Variants in NKTR observed in about 807,000 individuals in gnomAD.
NKTR encodes natural killer cell triggering receptor.
In NKTR, 67 loss-of-function variants were observed where a neutral mutation model predicts 156.3. The ratio of observed to expected loss-of-function variants is 0.43; its 90% CI spans 0.35 to 0.53. NKTR has a LOEUF of 0.53. Ranked by LOEUF, NKTR falls within the 20% of genes least tolerant of loss-of-function variation. The probability of loss-of-function intolerance (pLI) is 0.01; values close to 1 mark genes in which losing one functional copy is unlikely to be tolerated. For missense variants in NKTR, 1,604 were observed against 1,730.9 expected, an observed-to-expected ratio of 0.93 and a Z score of 1.30; for synonymous variants, 640 against 596.6, an observed-to-expected ratio of 1.07 and a Z score of -1.06.
chr3:42,632,946 C>T (rs1709050847), intron 9 of NKTR, 123 bp downstream of exon 9: 1 of 1,317,212 alleles, frequency 7.6e-7, no homozygotes, highest in Non-Finnish European at 9.7e-7. Context: ...ACTTTTTAAA[C>T]TTTAAATTGA....
intron 6 of NKTR, among the ~76,000 whole-genome samples, chr3:42,626,200 C>T (rs1399680200): frequency 2.0e-5 from 3 of 151,426 alleles, no homozygotes; most frequent in African/African-American, 7.3e-5. Flanking sequence ...TTGAAAACTC[C>T]ACATTATTTC....
rs1246794865 is a variant in NKTR, at chr3:42,627,446, C to T, written c.375-3100C>T. 3 of 985,000 alleles carry T rather than the reference C, an allele frequency of 3.0e-6. No homozygotes were observed. In the East Asian group the frequency reaches 3.4e-4, roughly 112 times the overall value. 61.0% of individuals were successfully genotyped at this position (985,000 alleles called of 1,614,324 possible). A position where few individuals can be genotyped will look rare whatever the true frequency, so the allele number is the denominator to read the frequency against. ...TTTCCACCAAGTTCCTGTACATCTT[C>T]TGGTGGGGGAGTGGGGTTATTAGTT... On this transcript the variant is annotated intron_variant, in intron 6 of 16. Coordinates refer to ENST00000232978, the MANE Select transcript of NKTR (RefSeq NM_005385.4).
intron 2 of NKTR, among the ~76,000 whole-genome samples, chr3:42,605,704 C>A (rs1189065551): frequency 6.6e-6 from 1 of 152,156 alleles, no homozygotes; most frequent in Non-Finnish European, 1.5e-5. Context: ...AGAAATGCAT[C>A]TCCGCTCTCA....
In NKTR at chr3:42,620,347, A is replaced by G. The variant is rs1707798813; in HGVS notation, c.286+639A>G. 4 of 1,119,152 alleles carry G rather than the reference A, an allele frequency of 3.6e-6. No homozygotes were observed. The African/African-American group carries it at 4.9e-5, about 14-fold the overall frequency. The allele number at this position is 1,119,152 out of a possible 1,614,324, so 69.3% of individuals were successfully genotyped here. ...GTTTGTATGTTTTCTTTTGTATATT[A>G]GAACTATGACTGTGTTTATTCTCAT... On this transcript the variant is annotated intron_variant, in intron 5 of 16. Coordinates refer to ENST00000232978, the MANE Select transcript of NKTR (RefSeq NM_005385.4).
At chr3:42,629,260 T>C (rs1398441899) in intron 6 of NKTR, 7 of 975,488 alleles carry the variant, frequency 7.2e-6, no homozygotes, top group Non-Finnish European at 8.5e-6. Flanking sequence ...TATAATTACA[T>C]TGGCATGAAT....
At position 42,616,468 on chromosome 3, in the gene NKTR, T is replaced by C. The variant is rs930539421; in HGVS notation, c.59-1102T>C. Among the ~76,000 whole-genome samples the C allele has an allele frequency of 3.9e-5, 6 of 152,246 alleles. 1 individual carries two copies. Among genetic ancestry groups the C allele is most frequent in the Admixed American group, 2.0e-4 (3 of 15,292 alleles). On this transcript the variant is annotated intron_variant, in intron 2 of 16. Coordinates refer to ENST00000232978, the MANE Select transcript of NKTR (RefSeq NM_005385.4). ...GTTTTCCAGAGATCATATATTAATA[T>C]GTGATGATATCACTGCCCTGACACC...
intron 2 of NKTR, among the ~76,000 whole-genome samples, chr3:42,605,580 C>T (rs1179682548): frequency 6.6e-6 from 1 of 152,178 alleles, no homozygotes; most frequent in African/African-American, 2.4e-5. Context: ...CCAAAGCTAA[C>T]AGGACAGGAA....
At chr3:42,619,909 C>A in intron 5 of NKTR, 1 of 1,434,102 alleles carries the variant, frequency 7.0e-7, no homozygotes, top group Non-Finnish European at 9.1e-7. Context: ...TTAATTAAGG[C>A]TAACTTTATG....
chr3:42,641,497 CTTGTT>C (rs1251918018), intron 13 of NKTR, among the ~76,000 whole-genome samples: 1 of 152,058 alleles, frequency 6.6e-6, no homozygotes, highest in Non-Finnish European at 1.5e-5. Context: ...TACATTTTTG[CTTGTT>C]TTATTAAGTA....
Position 42,603,360 on chromosome 3 carries a change from TAAAAAAA to T in NKTR, c.58+2315_58+2321del, listed in dbSNP as rs376932471. On this transcript the variant is annotated intron_variant, in intron 2 of 16. Transcript: ENST00000232978. ...GGTCAACAGAGCAAGATCTTGTTTC[TAAAAAAA>T]AAAAAAAAAAAAAAAAAACAGCTTA... 9.7e-5 allele frequency among the ~76,000 whole-genome samples: 9 copies of T among 92,758 alleles called. No individual in the cohort carries two copies. In the East Asian group the frequency reaches 1.4e-3, roughly 15 times the overall value. 60.9% of individuals were successfully genotyped at this position (92,758 alleles called of 152,430 possible).
chr3:42,637,487 G>C lies in NKTR; in HGVS notation c.1783G>C (p.Val595Leu). ...LRATMAQNEN[V>L]VVQPVVAENI... ...AGCAACCATGGCACAAAATGAAAAT[G>C]TAGTAGTACAACCAGTTGTAGCAGA... The change falls in exon 13 of 17, where the codon GTA becomes CTA. Residue 595 changes from valine (V) to leucine (L), a missense_variant. Around this residue, in one of 6 missense-constraint regions of NKTR, gnomAD observed 1,255 missense variants for 1,243.7 expected, o/e 1.01. Transcript: ENST00000232978. 1 of 1,613,842 alleles carries C rather than the reference G, an allele frequency of 6.2e-7. No individual in the cohort carries two copies. The highest frequency in any genetic ancestry group is 8.5e-7 in the Non-Finnish European group (1 of 1,179,938).
intron 10 of NKTR, 73 bp from the exon 11 acceptor site, chr3:42,634,537 CATA>C (rs1468978208): frequency 2.6e-6 from 2 of 761,934 alleles, no homozygotes; most frequent in Non-Finnish European, 4.3e-6. Flanking sequence ...AATAGCTTAA[CATA>C]ATGTGTTTTC....
chr3:42,642,847 C>G (rs894305051), intron 14 of NKTR, among the ~76,000 whole-genome samples: 1 of 152,166 alleles, frequency 6.6e-6, no homozygotes, highest in African/African-American at 2.4e-5. Context: ...CTCCACCTCC[C>G]CCACATGCAT....
chr3:42,632,733 G>A lies in NKTR; in HGVS notation c.683G>A (p.Arg228Lys). ...HERSRRRKHK[R>K]RPKVKRSKKR... The stretch of plus-strand genomic sequence containing the variant: ...AGAAGCAGAAGGAGGAAACATAAGA[G>A]GAGGCCAAAAGTTAAACGTTCTAAA... The change falls in exon 9 of 17, where the codon AGG (arginine) becomes AAG (lysine). Residue 228 changes from arginine to lysine, a missense_variant. Physicochemically the swap from Arg to Lys is conservative, Grantham distance 26 (BLOSUM62 2). Transcript: ENST00000232978. 1 of 1,613,446 alleles carries A rather than the reference G, an allele frequency of 6.2e-7. No homozygotes were observed. The highest frequency in any genetic ancestry group is 1.1e-5 in the South Asian group (1 of 90,780).
chr3:42,639,078 C>T lies in NKTR; in HGVS notation c.3374C>T (p.Thr1125Ile), dbSNP rs1553670842. 1.2e-6 allele frequency: 2 copies of T among 1,614,034 alleles called. No individual in the cohort carries two copies. The highest frequency in any genetic ancestry group is 1.1e-5 in the South Asian group (1 of 91,066). The change falls in exon 13 of 17, where the codon ACA becomes ATA. Residue 1125 changes from threonine to isoleucine, a missense_variant. Physicochemically the swap from Thr to Ile is moderately conservative, Grantham distance 89 (BLOSUM62 -1). Transcript: ENST00000232978. Reference protein sequence around the residue: ...VPNGVEDVLQTDDNMEICTPD... With the variant: ...VPNGVEDVLQIDDNMEICTPD... ...AATGGAGTGGAAGATGTGCTTCAAA[C>T]AGATGACAACATGGAGATCTGCACT...
intron 2 of NKTR, among the ~76,000 whole-genome samples, chr3:42,605,238 A>G (rs979761272): frequency 6.6e-6 from 1 of 152,122 alleles, no homozygotes. Context: ...ACCTTTCTGT[A>G]TAATATTTAA....
chr3:42,634,529 T>C (rs1370699059), intron 10 of NKTR, 84 bp from the exon 11 acceptor site: 5 of 685,650 alleles, frequency 7.3e-6, no homozygotes, highest in Non-Finnish European at 1.2e-5. Context: ...TTTGAATTAA[T>C]AGCTTAACAT....
chr3:42,625,139 A>G (rs988786910), intron 6 of NKTR, among the ~76,000 whole-genome samples: 1 of 152,188 alleles, frequency 6.6e-6, no homozygotes, highest in African/African-American at 2.4e-5. Flanking sequence ...GGAAATAGTC[A>G]TAATTGCCTA....
At chr3:42,642,698 T>C in intron 14 of NKTR, 102 bp downstream of exon 14, 1 of 800,314 alleles carries the variant, frequency 1.2e-6, no homozygotes, top group South Asian at 1.4e-5. Flanking sequence ...ATGTCATTAC[T>C]GAATATACTA....
Sources: allele counts gnomAD v4.1 joint callset (sites outside exome capture counted in the v4.1 genomes callset), GRCh38; gene constraint gnomAD v4.1.1; regional missense constraint gnomAD v4.1.1; transcripts MANE v1.5; gene names NCBI Gene and HGNC (gene_info 2026-07-23, HGNC 2026-07-21).